PPP1R14D: variants seen among roughly 807,000 people sequenced by gnomAD.
The protein encoded by PPP1R14D is protein phosphatase 1 regulatory subunit 14D.
PPP1R14D carries 14 observed loss-of-function variants against 17.1 expected under a neutral mutation model. The ratio of observed to expected loss-of-function variants is 0.82; its 90% CI spans 0.54 to 1.28. PPP1R14D has a LOEUF of 1.28. Ranked by LOEUF, PPP1R14D falls within the 50% of genes most tolerant of loss-of-function variation. The probability of loss-of-function intolerance (pLI) is 0.00; values close to 1 mark genes in which losing one functional copy is unlikely to be tolerated. For synonymous variants in PPP1R14D, 67 were observed against 66.1 expected (o/e 1.01, Z -0.06); for missense variants, 173 against 179.2 (o/e 0.97, Z 0.20).
Position 40,815,626 on chromosome 15 carries a change from T to C in PPP1R14D, c.*70A>G. ...TTTGTGTCCCAAGGAGCTATTTCCC[T>C]CTTAGCCAGGATCTGGAGTTTCAGG... is the stretch of plus-strand genomic sequence containing the variant. On this transcript the variant is annotated 3_prime_UTR_variant, in exon 4 of 4. Transcript: ENST00000299174. 6 of 1,564,846 alleles carry C rather than the reference T, an allele frequency of 3.8e-6. No homozygotes were observed. The highest frequency in any genetic ancestry group is 5.2e-6 in the Non-Finnish European group (6 of 1,149,862).
chr15:40,816,431 GGC>G (rs1890667150), intron 1 of PPP1R14D, among the ~76,000 whole-genome samples, 178 bp from the exon 2 acceptor site: 1 of 152,190 alleles, frequency 6.6e-6, no homozygotes, highest in Non-Finnish European at 1.5e-5. Context: ...ACTATATTTT[GGC>G]TGGGTGCAGT....
chr15:40,816,719 C>CA (rs1478662801), intron 1 of PPP1R14D, among the ~76,000 whole-genome samples: 19 of 150,184 alleles, frequency 1.3e-4, no homozygotes, highest in African/African-American at 4.4e-4. Flanking sequence ...GACTTCGTCG[C>CA]AAAAAAAATA....
At chr15:40,825,116 T>C (rs528189401) in intron 1 of PPP1R14D, among the ~76,000 whole-genome samples, 1 of 151,962 alleles carries the variant, frequency 6.6e-6, no homozygotes. Flanking sequence ...AAACCTCATC[T>C]CTACTAAAAA....
chr15:40,818,649 C>G (rs887489760), intron 1 of PPP1R14D, among the ~76,000 whole-genome samples: 37 of 152,130 alleles, frequency 2.4e-4, no homozygotes, highest in Non-Finnish European at 3.8e-4. Context: ...ACAGTAAGAC[C>G]TGCTGGAAAA....
intron 1 of PPP1R14D, among the ~76,000 whole-genome samples, chr15:40,822,118 T>TA (rs1330765083): frequency 2.0e-5 from 3 of 151,788 alleles, no homozygotes; most frequent in Non-Finnish European, 2.9e-5. Context: ...CTCTATTTTT[T>TA]AAAAAACATT....
chr15:40,815,730 T>C lies in PPP1R14D; in HGVS notation c.404A>G (p.Lys135Arg), dbSNP rs199678247. The C allele has an allele frequency of 1.5e-4, 250 of 1,613,612 alleles. No homozygotes were observed. Among genetic ancestry groups the C allele is most frequent in the Non-Finnish European group, 2.0e-4 (241 of 1,179,812 alleles). Reference sequence around the variant, plus strand: ...AGGCCGGCTGAGTCTCCGGAGTTTCTTGAGTTGACTGAGCAGCTCAGAGAT... The same window carrying C: ...AGGCCGGCTGAGTCTCCGGAGTTTCCTGAGTTGACTGAGCAGCTCAGAGAT... ...AFISELLSQL[K>R]KLRRLSRPQK The change falls in exon 4 of 4, where the codon AAG (lysine) becomes AGG (arginine). Residue 135 changes from lysine (K) to arginine (R), a missense_variant. Lys to Arg is a conservative substitution (Grantham distance 26, BLOSUM62 2). Coordinates refer to ENST00000299174, the MANE Select transcript of PPP1R14D (RefSeq NM_017726.8).
At chr15:40,823,639 C>A (rs114089357) in intron 1 of PPP1R14D, among the ~76,000 whole-genome samples, 2,643 of 152,152 alleles carry the variant, frequency 0.017, 96 homozygotes, top group African/African-American at 0.061. Flanking sequence ...TTACAGCTGC[C>A]CACAGTATTC....
intron 1 of PPP1R14D, among the ~76,000 whole-genome samples, chr15:40,821,308 C>G (rs1890772064): frequency 6.6e-6 from 1 of 151,990 alleles, no homozygotes; most frequent in Admixed American, 6.6e-5. Flanking sequence ...GCACTCCTGC[C>G]TGGGTGACAG....
In PPP1R14D at chr15:40,816,174, A is replaced by G. The variant is rs1890658775; in HGVS notation, c.335T>C (p.Leu112Pro). 1 of 1,613,914 alleles carries G rather than the reference A, an allele frequency of 6.2e-7. No homozygotes were observed. The highest frequency in any genetic ancestry group is 1.1e-5 in the South Asian group (1 of 91,082). Residue 112 changes from leucine (L) to proline (P), a missense_variant, in exon 2 of 4, where the codon CTG (leucine) becomes CCG (proline). By Grantham distance (98) the Leu-to-Pro change is moderately conservative (BLOSUM62 -3). Transcript: ENST00000299174. ...AGCTTCTAGCCCCCATCCTACCTCCAGCTGAGTCTTCTGCTCCTCTGTGGA... is the reference window on the plus strand; with the variant it reads ...AGCTTCTAGCCCCCATCCTACCTCCGGCTGAGTCTTCTGCTCCTCTGTGGA... The part of the protein sequence containing the change: ...DLSTEEQKTQ[L>P]EAILGNCPRP...
chr15:40,815,922 GCCT>G (rs1434886866), intron 3 of PPP1R14D, 37 bp downstream of exon 3: 3 of 1,611,194 alleles, frequency 1.9e-6, no homozygotes, highest in Non-Finnish European at 2.5e-6. Flanking sequence ...CCCCCATTGG[GCCT>G]CCTCTTACCC....
In PPP1R14D at chr15:40,828,647, T is replaced by G. The variant is rs796252761; in HGVS notation, c.-6A>C. ...GCAGGGCTTGAAGACAGCATGGAAG[T>G]ATTGGTCTGGGCAAGGAGCTGGGAA... On this transcript the variant is annotated 5_prime_UTR_variant, in exon 1 of 4. Transcript: ENST00000299174. 11 of 1,603,050 alleles carry G rather than the reference T, an allele frequency of 6.9e-6. No homozygotes were observed. In the African/African-American group the frequency reaches 1.5e-4, roughly 21 times the overall value.
chr15:40,816,323 G>A (rs761248435), intron 1 of PPP1R14D, 70 bp from the exon 2 acceptor site: 11 of 1,275,174 alleles, frequency 8.6e-6, no homozygotes, highest in Non-Finnish European at 1.0e-5. Flanking sequence ...TACTGTCAGG[G>A]ACTCAACCCA....
In PPP1R14D at chr15:40,816,242, G is replaced by C. The variant is rs200032168; in HGVS notation, c.267C>G (p.Thr89=). 24 of 1,613,946 alleles carry C rather than the reference G, an allele frequency of 1.5e-5. No homozygotes were observed. Among genetic ancestry groups the C allele is most frequent in the Non-Finnish European group, 1.9e-5 (23 of 1,179,984 alleles). ...CCAGGTCAATCTCAGGCTCAGAAGG[G>C]GTTGCTTGATCCTATTTGGAAATCA... ...QVQELFQDQA[T]PSEPEIDLEA... is the part of the protein sequence containing the mutation. Residue 89 remains threonine, a synonymous_variant, in exon 2 of 4, where the codon ACC becomes ACG. Transcript: ENST00000299174.
At position 40,815,627 on chromosome 15, in the gene PPP1R14D, C is replaced by A; in HGVS notation, c.*69G>T. Reference sequence around the variant, plus strand: ...TTGTGTCCCAAGGAGCTATTTCCCTCTTAGCCAGGATCTGGAGTTTCAGGG... The same window carrying A: ...TTGTGTCCCAAGGAGCTATTTCCCTATTAGCCAGGATCTGGAGTTTCAGGG... On this transcript the variant is annotated 3_prime_UTR_variant, in exon 4 of 4. Transcript: ENST00000299174. 6 of 1,567,910 alleles carry A rather than the reference C, an allele frequency of 3.8e-6. No individual in the cohort carries two copies. The highest frequency in any genetic ancestry group is 5.2e-6 in the Non-Finnish European group (6 of 1,152,426).
At chr15:40,817,467 G>C (rs1890693128) in intron 1 of PPP1R14D, 1 of 152,328 alleles carries the variant, frequency 6.6e-6, no homozygotes, top group Non-Finnish European at 1.5e-5. Flanking sequence ...TGAAAAGTGA[G>C]TGTATAAAAA....
rs536018784 is a variant in PPP1R14D at position 40,819,411 on chromosome 15, T to C, written c.256-3158A>G. 3.9e-5 allele frequency among the ~76,000 whole-genome samples: 6 copies of C among 152,124 alleles called. No homozygotes were observed. In the South Asian group the frequency reaches 1.0e-3, roughly 26 times the overall value. On this transcript the variant is annotated intron_variant, in intron 1 of 3. Transcript: ENST00000299174. The stretch of plus-strand genomic sequence containing the variant: ...TAAAAATACAAAAATTAGCCAGGTA[T>C]GGTGCCGTGTGCCTGTAATCCCAGC...
intron 1 of PPP1R14D, among the ~76,000 whole-genome samples, chr15:40,822,187 GA>G (rs951262505): frequency 1.3e-5 from 2 of 151,098 alleles, no homozygotes; most frequent in African/African-American, 2.4e-5. Flanking sequence ...ACTGAAGAAA[GA>G]AAAAAAATGT....
chr15:40,825,426 C>T lies in PPP1R14D; in HGVS notation c.255+2961G>A, dbSNP rs146039539. 2.5e-3 allele frequency among the ~76,000 whole-genome samples: 385 copies of T among 152,226 alleles called. 1 individual carries two copies. The highest frequency in any genetic ancestry group is 3.6e-3 in the African/African-American group (150 of 41,554). On this transcript the variant is annotated intron_variant, in intron 1 of 3. Transcript: ENST00000299174. ...TAGAAGGCAAATCATGCTCTACCTCCGGACAACAGGAGCTCTAGGACCCCA... is the reference window on the plus strand; with the variant it reads ...TAGAAGGCAAATCATGCTCTACCTCTGGACAACAGGAGCTCTAGGACCCCA...
intron 1 of PPP1R14D, among the ~76,000 whole-genome samples, chr15:40,819,047 G>A (rs1372513874): frequency 5.3e-5 from 8 of 152,196 alleles, no homozygotes; most frequent in East Asian, 1.9e-4. Flanking sequence ...AAAAAAGGAC[G>A]TGAGCTCAAA....
Sources: allele counts gnomAD v4.1 joint callset (sites outside exome capture counted in the v4.1 genomes callset), GRCh38; gene constraint gnomAD v4.1.1; transcripts MANE v1.5; gene names NCBI Gene and HGNC (gene_info 2026-07-23, HGNC 2026-07-21).